The following MACROD2 variants were observed in gnomAD, a reference collection of about 807,000 sequenced individuals.
The protein encoded by MACROD2 is ADP-ribose glycohydrolase MACROD2.
A neutral mutation model predicts 70.4 loss-of-function variants in MACROD2; 36 were observed. The observed-to-expected ratio is 0.51, with a 90% CI of 0.39 to 0.68. MACROD2 has a LOEUF of 0.68. Among genes scored for constraint, MACROD2 ranks in the 30% least tolerant of loss-of-function variants. The pLI is 0.00. For synonymous variants in MACROD2, 172 were observed against 178.8 expected, an observed-to-expected ratio of 0.96 and a Z score of 0.30; for missense variants, 496 against 538.4, an observed-to-expected ratio of 0.92 and a Z score of 0.78.
chr20:14,831,780 CAAAAAAAAAAAAAAA>C, intron 5 of MACROD2, among the ~76,000 whole-genome samples: 1 of 37,182 alleles, frequency 2.7e-5, no homozygotes, highest in South Asian at 2.9e-3. Flanking sequence ...AACTCCGTCT[CAAAAAAAAAAAAAAA>C]AAAAAAAAAA....
At chr20:14,175,583 A>G (rs2148727189) in intron 3 of MACROD2, among the ~76,000 whole-genome samples, 1 of 152,276 alleles carries the variant, frequency 6.6e-6, no homozygotes, top group South Asian at 2.1e-4. Flanking sequence ...AGGTGTTTGA[A>G]GTTAGGCATT....
At chr20:14,323,400 C>T (rs1206284728) in intron 3 of MACROD2, 1 of 152,160 alleles carries the variant, frequency 6.6e-6, no homozygotes, top group Non-Finnish European at 1.5e-5. Context: ...TCCATGCCCT[C>T]TCCAGGCATG....
Position 15,267,944 on chromosome 20 carries a change from A to G in MACROD2, c.540+37883A>G, listed in dbSNP as rs147448113. 5.1e-3 allele frequency among the ~76,000 whole-genome samples: 771 copies of G among 152,264 alleles called. 4 individuals carry two copies. Among genetic ancestry groups the G allele is most frequent in the Non-Finnish European group, 8.0e-3 (546 of 68,016 alleles). ...TGTTTTGTTTTGTTTGGCCCAATAAATTCTGTTTTTCTCACCCTTCTGTGT... is the reference window on the plus strand; with the variant it reads ...TGTTTTGTTTTGTTTGGCCCAATAAGTTCTGTTTTTCTCACCCTTCTGTGT... On this transcript the variant is annotated intron_variant, in intron 6 of 17. Coordinates refer to ENST00000684519, the MANE Select transcript of MACROD2 (RefSeq NM_001351661.2).
At chr20:14,670,248 G>GA in intron 4 of MACROD2, among the ~76,000 whole-genome samples, 1 of 152,208 alleles carries the variant, frequency 6.6e-6, no homozygotes, top group Middle Eastern at 3.4e-3. Context: ...TGAAATACCA[G>GA]AAAAATATGA....
At chr20:15,212,556 C>T (rs2076773553) in intron 5 of MACROD2, among the ~76,000 whole-genome samples, 1 of 152,170 alleles carries the variant, frequency 6.6e-6, no homozygotes, top group South Asian at 2.1e-4. Context: ...GTGTGTGCGA[C>T]AACAGGGCAA....
intron 6 of MACROD2, among the ~76,000 whole-genome samples, chr20:15,247,396 T>C (rs1234222518): frequency 3.3e-5 from 5 of 152,156 alleles, no homozygotes; most frequent in African/African-American, 9.7e-5. Context: ...TGTTGGGTAA[T>C]TGGGGGTGTC....
intron 3 of MACROD2, among the ~76,000 whole-genome samples, chr20:14,321,739 A>G (rs1372179644): frequency 6.6e-6 from 1 of 152,172 alleles, no homozygotes; most frequent in Non-Finnish European, 1.5e-5. Flanking sequence ...TGCATTAATC[A>G]GAAACTGTAG....
At chr20:15,001,945 C>CCA (rs111994400) in intron 5 of MACROD2, among the ~76,000 whole-genome samples, 9,768 of 146,014 alleles carry the variant, frequency 0.067, 365 homozygotes, top group African/African-American at 0.11. Flanking sequence ...GTGTGCATGC[C>CCA]CACACACACA....
intron 8 of MACROD2, among the ~76,000 whole-genome samples, chr20:15,755,283 G>A (rs1426949698): frequency 6.6e-6 from 1 of 152,298 alleles, no homozygotes; most frequent in Non-Finnish European, 1.5e-5. Flanking sequence ...TCCCCATGGT[G>A]CATTTCAGAT....
At chr20:15,650,169 G>A (rs1440482304) in intron 8 of MACROD2, among the ~76,000 whole-genome samples, 1 of 152,122 alleles carries the variant, frequency 6.6e-6, no homozygotes, top group East Asian at 1.9e-4. Flanking sequence ...AATTAAGTAG[G>A]GAATGTGTAG....
intron 5 of MACROD2, among the ~76,000 whole-genome samples, chr20:14,832,380 G>A (rs2072981169): frequency 1.3e-5 from 2 of 151,974 alleles, no homozygotes; most frequent in African/African-American, 4.8e-5. Flanking sequence ...TGAAGAATGA[G>A]AGGGATGGGA....
Position 14,557,755 on chromosome 20 carries a change from A to G in MACROD2, c.301+64247A>G, listed in dbSNP as rs577476256. Among the ~76,000 whole-genome samples, 3 of 152,002 alleles carry G rather than the reference A, an allele frequency of 2.0e-5. No homozygotes were observed. The South Asian group carries it at 6.2e-4, about 31-fold the overall frequency. ...GTTGACCAAGATAAGGAGAAATTAGAACACTTACCCATTGCTGGTGGGATT... is the reference window on the plus strand; with the variant it reads ...GTTGACCAAGATAAGGAGAAATTAGGACACTTACCCATTGCTGGTGGGATT... On this transcript the variant is annotated intron_variant, in intron 4 of 17. Transcript: ENST00000684519.
At chr20:15,448,047 A>T (rs1568815737) in intron 7 of MACROD2, among the ~76,000 whole-genome samples, 1 of 152,078 alleles carries the variant, frequency 6.6e-6, no homozygotes, top group Non-Finnish European at 1.5e-5. Flanking sequence ...ACAATGTTAC[A>T]GGCTATGGAA....
intron 2 of MACROD2, among the ~76,000 whole-genome samples, chr20:14,049,622 G>A (rs948015527): frequency 2.0e-5 from 3 of 150,934 alleles, no homozygotes; most frequent in Non-Finnish European, 1.5e-5. Context: ...GCTTGGTGGC[G>A]GGCACCTGTA....
At chr20:15,859,585 T>C (rs1362203477) in intron 8 of MACROD2, among the ~76,000 whole-genome samples, 2 of 152,182 alleles carry the variant, frequency 1.3e-5, no homozygotes, top group African/African-American at 4.8e-5. Context: ...TGTGCACGCT[T>C]ATAATAAATA....
At chr20:14,813,955 AAGCTATCTCATTAACCAGCAACC>A (rs1272676856) in intron 5 of MACROD2, among the ~76,000 whole-genome samples, 1 of 152,056 alleles carries the variant, frequency 6.6e-6, no homozygotes, top group Non-Finnish European at 1.5e-5. Context: ...ATCCACTGAC[AAGCTATCTCATTAACCAGCAACC>A]AGCTATCTCA....
intron 8 of MACROD2, among the ~76,000 whole-genome samples, chr20:15,620,103 G>T (rs2049103833): frequency 6.6e-6 from 1 of 152,140 alleles, no homozygotes; most frequent in African/African-American, 2.4e-5. Flanking sequence ...CAGTTCTCCA[G>T]GACAGAAGGA....
intron 6 of MACROD2, among the ~76,000 whole-genome samples, chr20:15,367,313 AC>A (rs1331612294): frequency 6.6e-6 from 1 of 152,190 alleles, no homozygotes; most frequent in Non-Finnish European, 1.5e-5. Context: ...GGCGTGAGCC[AC>A]CGTGCCCGGC....
intron 2 of MACROD2, among the ~76,000 whole-genome samples, chr20:14,037,268 C>T (rs960549164): frequency 6.6e-6 from 1 of 152,130 alleles, no homozygotes; most frequent in Non-Finnish European, 1.5e-5. Context: ...GTTTTGGCAT[C>T]ATTAATTTGG....
Sources: gnomAD v4.1 joint callset for allele counts (sites outside exome capture counted in the v4.1 genomes callset) on GRCh38, gnomAD v4.1.1 for gene constraint, MANE v1.5 for transcripts, NCBI Gene and HGNC (gene_info 2026-07-23, HGNC 2026-07-21) for gene names.